The following B4GALNT3 variants were observed in gnomAD, a reference collection of about 807,000 sequenced individuals.
B4GALNT3 encodes the protein beta-1,4-N-acetylgalactosaminyltransferase 3.
B4GALNT3 carries 86 observed loss-of-function variants against 120.2 expected under a neutral mutation model. That is an observed-to-expected ratio of 0.72 (90% CI 0.60 to 0.86). The LOEUF is 0.86. B4GALNT3 is among the 40% of genes least tolerant of loss of function. B4GALNT3 has a pLI of 0.00. For missense variants in B4GALNT3, 1,167 were observed against 1,298.9 expected, an observed-to-expected ratio of 0.90 and a Z score of 1.56; for synonymous variants, 518 against 510.4, an observed-to-expected ratio of 1.01 and a Z score of -0.20.
intron 1 of B4GALNT3, among the ~76,000 whole-genome samples, chr12:491,394 A>G (rs948824284): frequency 1.3e-5 from 2 of 151,052 alleles, no homozygotes; most frequent in Admixed American, 1.3e-4. Flanking sequence ...CAGTGGTGCA[A>G]TCTTGGCTCA....
intron 1 of B4GALNT3, among the ~76,000 whole-genome samples, chr12:525,267 C>G (rs1017265060): frequency 2.0e-5 from 3 of 152,082 alleles, no homozygotes; most frequent in African/African-American, 7.2e-5. Flanking sequence ...CACCACCACA[C>G]CCCACTAATT....
intron 1 of B4GALNT3, among the ~76,000 whole-genome samples, chr12:527,094 T>C (rs1317269180): frequency 1.3e-5 from 2 of 152,214 alleles, no homozygotes; most frequent in African/African-American, 4.8e-5. Flanking sequence ...TGTTTTGTTT[T>C]GTTTTGTTTT....
intron 1 of B4GALNT3, among the ~76,000 whole-genome samples, chr12:511,301 C>CCTTCCTCCTTCTTCCACCTTCGAG (rs1946549887): frequency 4.4e-5 from 4 of 90,796 alleles, no homozygotes; most frequent in Non-Finnish European, 8.6e-5. Flanking sequence ...CGACCTTCCA[C>CCTTCCTCCTTCTTCCACCTTCGAG]CTTCCACCTT....
chr12:525,252 G>A (rs1946750309), intron 1 of B4GALNT3, among the ~76,000 whole-genome samples: 1 of 152,062 alleles, frequency 6.6e-6, no homozygotes, highest in Admixed American at 6.6e-5. Flanking sequence ...GGGATTACAG[G>A]TAAGCACCAC....
At chr12:515,527 T>G (rs34993275) in intron 1 of B4GALNT3, among the ~76,000 whole-genome samples, 1 of 152,050 alleles carries the variant, frequency 6.6e-6, no homozygotes, top group Admixed American at 6.5e-5. Flanking sequence ...TTAAAAGGGA[T>G]AAATTTGTAA....
In B4GALNT3 at chr12:550,342, G is replaced by A. The variant is rs764937805; in HGVS notation, c.997+430G>A. The stretch of plus-strand genomic sequence containing the variant: ...TTACATTTTAAAAGACGGCCAAGAT[G>A]GCCAGGCATGGTGGCTCATTCCTGT... On this transcript the variant is annotated intron_variant, in intron 10 of 19. Transcript: ENST00000266383. This position sits in a 1 kb window ranked among gnomAD's most constrained non-coding sequence, Gnocchi z 4.1. Among the ~76,000 whole-genome samples the A allele has an allele frequency of 2.0e-5, 3 of 152,146 alleles. No homozygotes were observed. The highest frequency in any genetic ancestry group is 4.4e-5 in the Non-Finnish European group (3 of 68,038).
At position 561,515 on chromosome 12, in the gene B4GALNT3, T is replaced by A. The variant is rs531841840; in HGVS notation, c.*64T>A. The A allele has an allele frequency of 7.6e-7, 1 of 1,324,410 alleles. No homozygotes were observed. The highest frequency in any genetic ancestry group is 1.4e-5 in the African/African-American group (1 of 69,080). 82.0% of individuals were successfully genotyped at this position (1,324,410 alleles called of 1,614,324 possible). A position where few individuals can be genotyped will look rare whatever the true frequency, so the allele number is the denominator to read the frequency against. On this transcript the variant is annotated 3_prime_UTR_variant, in exon 20 of 20. Coordinates refer to ENST00000266383, the MANE Select transcript of B4GALNT3 (RefSeq NM_173593.4). ...GACTAGCAGTGGCTCCCCAGGGCCC[T>A]GCTACTGTTCAGGGATGGGGAGTGG...
chr12:508,205 A>G (rs977166555), intron 1 of B4GALNT3, among the ~76,000 whole-genome samples: 5 of 152,258 alleles, frequency 3.3e-5, no homozygotes, highest in African/African-American at 1.2e-4. Flanking sequence ...GTTAATGAAG[A>G]GAAAGCTTCC....
At chr12:528,473 C>T (rs537570404) in intron 1 of B4GALNT3, among the ~76,000 whole-genome samples, 1 of 152,338 alleles carries the variant, frequency 6.6e-6, no homozygotes, top group South Asian at 2.1e-4. Context: ...AAATGCCTAA[C>T]ACGTAAGTGT....
intron 1 of B4GALNT3, among the ~76,000 whole-genome samples, chr12:494,202 C>A (rs186503315): frequency 1.3e-5 from 2 of 151,052 alleles, no homozygotes; most frequent in African/African-American, 4.9e-5. Flanking sequence ...TGCTTGAGCC[C>A]GGAAGGTCAA....
intron 1 of B4GALNT3, among the ~76,000 whole-genome samples, chr12:469,581 G>A (rs1946115374): frequency 6.6e-6 from 1 of 152,074 alleles, no homozygotes; most frequent in South Asian, 2.1e-4. Flanking sequence ...ATGATGTTCA[G>A]CAATGCCTGC....
intron 1 of B4GALNT3, among the ~76,000 whole-genome samples, chr12:467,828 A>G (rs993910026): frequency 6.6e-6 from 1 of 152,080 alleles, no homozygotes; most frequent in Non-Finnish European, 1.5e-5. Context: ...CGCTCTAAAC[A>G]TGTTTCTTCT....
chr12:519,877 G>T (rs1012229979), intron 1 of B4GALNT3, among the ~76,000 whole-genome samples: 1 of 152,102 alleles, frequency 6.6e-6, no homozygotes, highest in Non-Finnish European at 1.5e-5. Flanking sequence ...ATAACCCTTG[G>T]GTTGTTTCCA....
chr12:480,868 T>A (rs1352411003), intron 1 of B4GALNT3, among the ~76,000 whole-genome samples: 25 of 152,262 alleles, frequency 1.6e-4, no homozygotes, highest in Admixed American at 1.6e-3. Context: ...GTGACCGTGG[T>A]CATCTTTGTC....
At chr12:514,406 C>G (rs1398778836) in intron 1 of B4GALNT3, among the ~76,000 whole-genome samples, 3 of 151,658 alleles carry the variant, frequency 2.0e-5, no homozygotes, top group African/African-American at 7.3e-5. Flanking sequence ...ACCGTGTTAG[C>G]CAGGATGGTC....
chr12:461,580 C>T (rs1946023018), intron 1 of B4GALNT3, among the ~76,000 whole-genome samples: 1 of 152,230 alleles, frequency 6.6e-6, no homozygotes, highest in Admixed American at 6.5e-5. Context: ...GGCACGTGGC[C>T]TCCCATGCCT....
At chr12:546,863 G>A in intron 7 of B4GALNT3, 150 bp downstream of exon 7, 1 of 721,372 alleles carries the variant, frequency 1.4e-6, no homozygotes, top group Non-Finnish European at 2.3e-6. Context: ...TGGCTCAGAA[G>A]CCGCGAGCCC....
intron 5 of B4GALNT3, 100 bp downstream of exon 5, chr12:545,072 C>G (rs1946975514): frequency 2.6e-5 from 39 of 1,486,178 alleles, no homozygotes; most frequent in Non-Finnish European, 3.4e-5. Context: ...GGACTAACTT[C>G]CTGTTAGTCC....
intron 3 of B4GALNT3, among the ~76,000 whole-genome samples, chr12:539,208 AG>A (rs1389042476): frequency 6.6e-6 from 1 of 152,214 alleles, no homozygotes; most frequent in Non-Finnish European, 1.5e-5. Context: ...TTGGATGGCT[AG>A]GGGCCTGGGC....
Sources: allele counts gnomAD v4.1 joint callset (sites outside exome capture counted in the v4.1 genomes callset), GRCh38; gene constraint gnomAD v4.1.1; non-coding constraint Gnocchi (gnomAD v3.1); transcripts MANE v1.5; gene names NCBI Gene and HGNC (gene_info 2026-07-23, HGNC 2026-07-21).